PPARG: variants seen among roughly 807,000 people sequenced by gnomAD.
PPARG encodes peroxisome proliferator activated receptor gamma.
Under a neutral mutation model 39.2 loss-of-function variants are expected in PPARG, and 17 were observed. The ratio of observed to expected loss-of-function variants is 0.43; its 90% CI spans 0.30 to 0.65. The LOEUF (loss-of-function observed/expected upper bound fraction) is 0.65, where lower values mean the gene tolerates loss of function less well. Ranked by LOEUF, PPARG falls within the 30% of genes least tolerant of loss-of-function variation. PPARG has a pLI of 0.13. For missense variants in PPARG, 406 were observed against 585.9 expected, an observed-to-expected ratio of 0.69 and a Z score of 3.17; for synonymous variants, 223 against 215.7, an observed-to-expected ratio of 1.03 and a Z score of -0.30.
In PPARG at chr3:12,415,825, A is replaced by G. The variant is rs4135350; in HGVS notation, c.730-879A>G. Among the ~76,000 whole-genome samples the G allele has an allele frequency of 4.3e-3, 654 of 152,294 alleles. 3 individuals are homozygous for G. Among genetic ancestry groups the G allele is most frequent in the Admixed American group, 8.1e-3 (124 of 15,288 alleles). On this transcript the variant is annotated intron_variant, in intron 6 of 7. Coordinates refer to ENST00000651735, the MANE Select transcript of PPARG (RefSeq NM_138711.6). ...CTTTCCGAGTGATTTTTCATAGTTA[A>G]GCATATTTTATGTGCACATAGTTTC...
chr3:12,391,245 T>C (rs934266583), intron 4 of PPARG, among the ~76,000 whole-genome samples: 3 of 151,904 alleles, frequency 2.0e-5, no homozygotes, highest in African/African-American at 7.3e-5. Flanking sequence ...AATTGAGCAG[T>C]GAGGGAGGGG....
intron 1 of PPARG, among the ~76,000 whole-genome samples, chr3:12,298,598 T>G (rs2046853607): frequency 6.6e-6 from 1 of 152,184 alleles, no homozygotes; most frequent in Admixed American, 6.5e-5. Context: ...AGAATAATCT[T>G]TATCTTAAAG....
At chr3:12,421,628 A>G (rs1413621302) in intron 7 of PPARG, among the ~76,000 whole-genome samples, 1 of 152,214 alleles carries the variant, frequency 6.6e-6, no homozygotes, top group Non-Finnish European at 1.5e-5. Flanking sequence ...TTTGGAATCC[A>G]TTTCAGTTCT....
intron 2 of PPARG, among the ~76,000 whole-genome samples, chr3:12,320,080 A>G (rs1376635044): frequency 1.3e-5 from 2 of 152,176 alleles, no homozygotes; most frequent in Admixed American, 1.3e-4. Flanking sequence ...TGGAATGTAA[A>G]TGGAAACTGC....
intron 5 of PPARG, among the ~76,000 whole-genome samples, chr3:12,398,751 C>T (rs2050357426): frequency 6.6e-6 from 1 of 152,200 alleles, no homozygotes; most frequent in South Asian, 2.1e-4. Context: ...TGGGAGAATA[C>T]TGAAGAGCTC....
At chr3:12,335,216 T>A (rs1310946687) in intron 2 of PPARG, among the ~76,000 whole-genome samples, 1 of 152,194 alleles carries the variant, frequency 6.6e-6, no homozygotes, top group South Asian at 2.1e-4. Flanking sequence ...TTGCCTTAGG[T>A]GGTGTTTACA....
At chr3:12,374,283 T>C (rs1335209899) in intron 2 of PPARG, among the ~76,000 whole-genome samples, 1 of 152,110 alleles carries the variant, frequency 6.6e-6, no homozygotes, top group African/African-American at 2.4e-5. Context: ...AATGAATGCA[T>C]GATATTATGT....
chr3:12,308,273 G>T (rs532280051), intron 1 of PPARG, among the ~76,000 whole-genome samples: 1 of 149,008 alleles, frequency 6.7e-6, no homozygotes, highest in Admixed American at 6.8e-5. Flanking sequence ...GAGCCTGGGT[G>T]GTTGAGGCTA....
At chr3:12,335,287 G>C (rs533666369) in intron 2 of PPARG, among the ~76,000 whole-genome samples, 1 of 152,248 alleles carries the variant, frequency 6.6e-6, no homozygotes, top group South Asian at 2.1e-4. Flanking sequence ...AAGGCTTATG[G>C]TTAAGACTTC....
At chr3:12,414,099 G>A (rs2050977510) in intron 6 of PPARG, among the ~76,000 whole-genome samples, 1 of 152,172 alleles carries the variant, frequency 6.6e-6, no homozygotes, top group Non-Finnish European at 1.5e-5. Context: ...CATAGTTCCA[G>A]ATAAATCACT....
chr3:12,354,608 C>G (rs2048598044), intron 2 of PPARG, among the ~76,000 whole-genome samples: 1 of 151,918 alleles, frequency 6.6e-6, no homozygotes, highest in African/African-American at 2.4e-5. Flanking sequence ...AAAAAATTAG[C>G]CAGGCGTGGT....
chr3:12,417,381 C>T (rs544020533), intron 7 of PPARG, among the ~76,000 whole-genome samples: 1 of 152,290 alleles, frequency 6.6e-6, no homozygotes, highest in South Asian at 2.1e-4. Flanking sequence ...CATCCCTCAA[C>T]AATATATTTT....
In PPARG at chr3:12,308,934, CAT is replaced by C. The variant is rs538984248; in HGVS notation, c.-82-3445_-82-3444del. 6.3e-3 allele frequency among the ~76,000 whole-genome samples: 962 copies of C among 152,222 alleles called. 6 individuals carry two copies. The highest frequency in any genetic ancestry group is 0.019 in the African/African-American group (769 of 41,530). ...GAGTGAAATAATAAAAAATTAAAAA[CAT>C]GTGTTCAAGTAAGTTTGAGAACCAT... On this transcript the variant is annotated intron_variant, in intron 1 of 7. Coordinates refer to ENST00000651735, the MANE Select transcript of PPARG (RefSeq NM_138711.6).
intron 7 of PPARG, among the ~76,000 whole-genome samples, chr3:12,421,130 C>A (rs893802518): frequency 6.6e-6 from 1 of 152,206 alleles, no homozygotes; most frequent in Non-Finnish European, 1.5e-5. Context: ...CTAGTGCCAC[C>A]GTGGAACTAA....
At chr3:12,397,814 CAT>C (rs1376879459) in intron 5 of PPARG, among the ~76,000 whole-genome samples, 1 of 152,064 alleles carries the variant, frequency 6.6e-6, no homozygotes, top group African/African-American at 2.4e-5. Flanking sequence ...TGTGGCAGTA[CAT>C]GTTTGCTCCA....
intron 1 of PPARG, among the ~76,000 whole-genome samples, chr3:12,291,319 G>A (rs886973764): frequency 6.6e-6 from 1 of 152,076 alleles, no homozygotes; most frequent in Non-Finnish European, 1.5e-5. Flanking sequence ...CCTTTGAAAC[G>A]GATCTAATTT....
chr3:12,297,720 C>A (rs995225490), intron 1 of PPARG: 1 of 152,098 alleles, frequency 6.6e-6, no homozygotes, highest in African/African-American at 2.4e-5. Context: ...GGTCCGTGAT[C>A]TACTTGATCT....
At chr3:12,367,019 C>G (rs140577704) in intron 2 of PPARG, among the ~76,000 whole-genome samples, 1 of 152,072 alleles carries the variant, frequency 6.6e-6, no homozygotes, top group Non-Finnish European at 1.5e-5. Context: ...GAACCCAGTC[C>G]GGTGCCTTCT....
At chr3:12,384,591 G>T (rs571798413) in intron 4 of PPARG, among the ~76,000 whole-genome samples, 99 of 152,206 alleles carry the variant, frequency 6.5e-4, no homozygotes, top group Non-Finnish European at 5.6e-4. Context: ...GTAGGATGTG[G>T]TTACATAATG....
Sources: allele counts gnomAD v4.1 joint callset (sites outside exome capture counted in the v4.1 genomes callset), GRCh38; gene constraint gnomAD v4.1.1; transcripts MANE v1.5; gene names NCBI Gene and HGNC (gene_info 2026-07-23, HGNC 2026-07-21).